Variants in DHRS7B observed in about 807,000 individuals in gnomAD.
DHRS7B encodes the protein peroxisomal reductase activating PPAR-gamma.
In DHRS7B, 24 loss-of-function variants were observed where a neutral mutation model predicts 26.4. That is an observed-to-expected ratio of 0.91 (90% CI 0.66 to 1.28). The LOEUF is 1.28. Ranked by LOEUF, DHRS7B falls within the 50% of genes most tolerant of loss-of-function variation. The pLI is 0.00. For missense variants in DHRS7B, 368 were observed against 419.4 expected (o/e 0.88, Z 1.07); for synonymous variants, 142 against 166.4 (o/e 0.85, Z 1.13).
chr17:21,177,305 G>A (rs1443769931), intron 2 of DHRS7B, among the ~76,000 whole-genome samples: 3 of 152,210 alleles, frequency 2.0e-5, no homozygotes, highest in Non-Finnish European at 2.9e-5. Context: ...CGGCCATCCG[G>A]CTCTCCTCTT....
intron 1 of DHRS7B, among the ~76,000 whole-genome samples, chr17:21,145,329 A>T (rs1441480762): frequency 6.6e-6 from 1 of 152,194 alleles, no homozygotes; most frequent in African/African-American, 2.4e-5. Context: ...GTCTAAAAAA[A>T]AAAAAGAAAA....
intron 5 of DHRS7B, among the ~76,000 whole-genome samples, chr17:21,188,214 A>T (rs1220326768): frequency 1.3e-5 from 2 of 151,988 alleles, no homozygotes; most frequent in African/African-American, 4.8e-5. Context: ...ACTCCCATGC[A>T]CCCTTCATGC....
intron 1 of DHRS7B, among the ~76,000 whole-genome samples, chr17:21,153,719 A>G (rs1973820871): frequency 1.3e-5 from 2 of 152,146 alleles, no homozygotes; most frequent in Admixed American, 6.6e-5. Flanking sequence ...CACGTGGCAG[A>G]CGGGATAGAA....
chr17:21,158,956 GCAAAAAAA>G, intron 1 of DHRS7B, among the ~76,000 whole-genome samples: 1 of 142,416 alleles, frequency 7.0e-6, no homozygotes, highest in Non-Finnish European at 1.5e-5. Context: ...CTATCTGCAT[GCAAAAAAA>G]AAAAAAAAAT....
chr17:21,150,334 T>C (rs1002113151), intron 1 of DHRS7B, among the ~76,000 whole-genome samples: 16 of 152,106 alleles, frequency 1.1e-4, no homozygotes, highest in African/African-American at 3.6e-4. Context: ...AGCATTTCTT[T>C]GTCCGGGCAT....
chr17:21,174,979 G>C (rs998326622), intron 2 of DHRS7B, among the ~76,000 whole-genome samples: 9 of 152,204 alleles, frequency 5.9e-5, no homozygotes, highest in Non-Finnish European at 1.2e-4. Context: ...CCCAGGGTGG[G>C]TGCTCTCTCC....
In DHRS7B at chr17:21,171,761, A is replaced by G. The variant is rs188882141; in HGVS notation, c.21-257A>G. 167 of 596,762 alleles carry G rather than the reference A, an allele frequency of 2.8e-4. 2 individuals carry two copies. In the East Asian group the frequency reaches 5.1e-3, roughly 18 times the overall value. The allele number at this position is 596,762 out of a possible 1,614,324, so 37.0% of individuals were successfully genotyped here. A position where few individuals can be genotyped will look rare whatever the true frequency, so the allele number is the denominator to read the frequency against. ...TGACTATGTCCTAGGCTGAATGGCAATCTCCGCTTGTTCCCTGAGGGGCAG... is the reference window on the plus strand; with the variant it reads ...TGACTATGTCCTAGGCTGAATGGCAGTCTCCGCTTGTTCCCTGAGGGGCAG... On this transcript the variant is annotated intron_variant, in intron 1 of 6. Coordinates refer to ENST00000395511, the MANE Select transcript of DHRS7B (RefSeq NM_015510.5).
intron 2 of DHRS7B, chr17:21,172,487 C>T (rs1335106535): frequency 1.3e-5 from 7 of 522,164 alleles, no homozygotes; most frequent in Non-Finnish European, 3.5e-6. Context: ...CACAGGGCAG[C>T]CCTGCTCAGC....
At chr17:21,160,182 C>G (rs975433047) in intron 1 of DHRS7B, among the ~76,000 whole-genome samples, 1 of 151,822 alleles carries the variant, frequency 6.6e-6, no homozygotes, top group Non-Finnish European at 1.5e-5. Flanking sequence ...GGTGAAACCC[C>G]GTCTCTACTA....
chr17:21,137,609 C>T (rs1879385241), intron 1 of DHRS7B, among the ~76,000 whole-genome samples: 1 of 152,104 alleles, frequency 6.6e-6, no homozygotes, highest in Non-Finnish European at 1.5e-5. Context: ...AGGCATGTGC[C>T]ACCACGCCAG....
intron 1 of DHRS7B, 193 bp from the exon 2 acceptor site, chr17:21,171,825 C>A: frequency 1.4e-6 from 1 of 732,236 alleles, no homozygotes; most frequent in Non-Finnish European, 2.4e-6. Context: ...CATGTCAGTA[C>A]TGAGAGGAAG....
chr17:21,186,977 C>T (rs1974648712), intron 5 of DHRS7B, among the ~76,000 whole-genome samples: 1 of 152,028 alleles, frequency 6.6e-6, no homozygotes, highest in Admixed American at 6.6e-5. Flanking sequence ...GACTAGGCAG[C>T]CACAGCTACA....
At position 21,168,307 on chromosome 17, in the gene DHRS7B, C is replaced by T. The variant is rs147372612; in HGVS notation, c.21-3711C>T. ...CTGATTCTCAGATAAATGGCTCACT[C>T]TGGGGTGTCTTTTCCCACCATGGTC... On this transcript the variant is annotated intron_variant, in intron 1 of 6. Transcript: ENST00000395511. Among the ~76,000 whole-genome samples the T allele has an allele frequency of 7.2e-3, 1,093 of 152,310 alleles. 11 individuals are homozygous for T. Among genetic ancestry groups the T allele is most frequent in the African/African-American group, 0.025 (1,028 of 41,566 alleles).
At chr17:21,176,650 C>T (rs1029928758) in intron 2 of DHRS7B, among the ~76,000 whole-genome samples, 5 of 151,808 alleles carry the variant, frequency 3.3e-5, no homozygotes, top group East Asian at 2.0e-4. Context: ...CAATTGACAC[C>T]GCTGTAGTGC....
rs1974708873 is a variant in DHRS7B, at chr17:21,188,799, C to A, written c.708C>A (p.Ser236Arg). The A allele has an allele frequency of 4.3e-6, 7 of 1,614,152 alleles. No individual in the cohort carries two copies. The highest frequency in any genetic ancestry group is 5.1e-6 in the Non-Finnish European group (6 of 1,180,038). The change falls in exon 6 of 7, where the codon AGC (serine) becomes AGA (arginine). Residue 236 changes from serine to arginine, a missense_variant. By Grantham distance (110) the Ser-to-Arg change is moderately radical. Transcript: ENST00000395511. ...EQYEIEVTVI[S>R]PGYIHTNLSV... The stretch of plus-strand genomic sequence containing the variant: ...ATGAAATTGAGGTGACCGTCATCAG[C>A]CCCGGCTACATCCACACCAACCTCT...
At position 21,165,343 on chromosome 17, in the gene DHRS7B, T is replaced by A. The variant is rs74717218; in HGVS notation, c.21-6675T>A. 1.7e-4 allele frequency among the ~76,000 whole-genome samples: 26 copies of A among 151,988 alleles called. No homozygotes were observed. The East Asian group carries it at 4.5e-3, about 26-fold the overall frequency. On this transcript the variant is annotated intron_variant, in intron 1 of 6. Coordinates refer to ENST00000395511, the MANE Select transcript of DHRS7B (RefSeq NM_015510.5). ...GTCTTCTGGTAACACTATATTCACT[T>A]TTTTTTTCTTTTTTTTGGGACAGGG...
intron 1 of DHRS7B, among the ~76,000 whole-genome samples, chr17:21,140,249 C>G (rs1973464880): frequency 1.3e-5 from 2 of 151,790 alleles, no homozygotes; most frequent in Admixed American, 6.6e-5. Context: ...GTCTCGATCT[C>G]CTGACTTCGT....
intron 1 of DHRS7B, chr17:21,166,349 G>A (rs1355805335): frequency 9.1e-6 from 9 of 985,406 alleles, no homozygotes; most frequent in East Asian, 1.1e-4. Context: ...CCACTCTGCC[G>A]TGGCTTGTTC....
At chr17:21,182,679 G>C (rs1974540416) in intron 3 of DHRS7B, among the ~76,000 whole-genome samples, 1 of 152,144 alleles carries the variant, frequency 6.6e-6, no homozygotes, top group South Asian at 2.1e-4. Context: ...ATGAGCCACT[G>C]TACCTGGCCA....
Sources: allele counts gnomAD v4.1 joint callset (sites outside exome capture counted in the v4.1 genomes callset), GRCh38; gene constraint gnomAD v4.1.1; transcripts MANE v1.5; gene names NCBI Gene and HGNC (gene_info 2026-07-23, HGNC 2026-07-21).